Variants in FAM117B observed in about 807,000 individuals in gnomAD.
FAM117B encodes family with sequence similarity 117 member B, also known as protein FAM117B.
Under a neutral mutation model 52.8 loss-of-function variants are expected in FAM117B, and 22 were observed. The ratio of observed to expected loss-of-function variants is 0.42; its 90% CI spans 0.30 to 0.59. The LOEUF (loss-of-function observed/expected upper bound fraction) is 0.59. Ranked by LOEUF, FAM117B falls within the 20% of genes least tolerant of loss-of-function variation. FAM117B has a pLI of 0.22. For missense variants in FAM117B, 678 were observed against 802.6 expected, an observed-to-expected ratio of 0.84 and a Z score of 1.88; for synonymous variants, 309 against 324.1, an observed-to-expected ratio of 0.95 and a Z score of 0.50.
At chr2:202,714,109 T>G (rs890266560) in intron 2 of FAM117B, among the ~76,000 whole-genome samples, 1 of 152,232 alleles carries the variant, frequency 6.6e-6, no homozygotes, top group Non-Finnish European at 1.5e-5. Flanking sequence ...CATTTTTTTT[T>G]ATAGTTTCCA....
intron 2 of FAM117B, among the ~76,000 whole-genome samples, chr2:202,718,092 G>A (rs1473824466): frequency 6.6e-6 from 1 of 152,192 alleles, no homozygotes; most frequent in Non-Finnish European, 1.5e-5. Context: ...AGTACTGCCA[G>A]GCCACTGCCA....
chr2:202,643,924 G>A (rs1025096831), intron 1 of FAM117B, among the ~76,000 whole-genome samples: 1 of 152,008 alleles, frequency 6.6e-6, no homozygotes, highest in Non-Finnish European at 1.5e-5. Context: ...TGGCCAGGCT[G>A]GTCTCGAACT....
chr2:202,654,227 A>T (rs925720509), intron 1 of FAM117B, among the ~76,000 whole-genome samples: 3 of 151,856 alleles, frequency 2.0e-5, no homozygotes, highest in African/African-American at 7.3e-5. Flanking sequence ...AAGAACACTT[A>T]CTGAGATATA....
intron 7 of FAM117B, 37 bp downstream of exon 7, chr2:202,759,390 T>C (rs1691848874): frequency 1.9e-6 from 3 of 1,595,178 alleles, no homozygotes; most frequent in Non-Finnish European, 2.6e-6. Context: ...AAAAAAACTA[T>C]TATGAGCTTT....
At chr2:202,654,764 C>T (rs1690027057) in intron 1 of FAM117B, among the ~76,000 whole-genome samples, 1 of 151,416 alleles carries the variant, frequency 6.6e-6, no homozygotes, top group African/African-American at 2.4e-5. Flanking sequence ...TCTGAACCCT[C>T]AAATAGGCGG....
intron 1 of FAM117B, among the ~76,000 whole-genome samples, chr2:202,678,441 G>A (rs1690410499): frequency 6.6e-6 from 1 of 152,200 alleles, no homozygotes; most frequent in Non-Finnish European, 1.5e-5. Flanking sequence ...CTCTTAATAT[G>A]CAAATGCAGG....
chr2:202,714,996 A>G (rs1250457903), intron 2 of FAM117B, among the ~76,000 whole-genome samples: 5 of 152,268 alleles, frequency 3.3e-5, no homozygotes, highest in East Asian at 1.9e-4. Context: ...CCCCTTTTCT[A>G]TTCCACAAAA....
intron 1 of FAM117B, among the ~76,000 whole-genome samples, chr2:202,664,557 T>A (rs2105762662): frequency 6.6e-6 from 1 of 152,294 alleles, no homozygotes; most frequent in East Asian, 1.9e-4. Flanking sequence ...AAATAAAAAT[T>A]AATTTAACAC....
At chr2:202,684,408 G>T (rs1690506790) in intron 1 of FAM117B, among the ~76,000 whole-genome samples, 1 of 152,196 alleles carries the variant, frequency 6.6e-6, no homozygotes, top group Admixed American at 6.5e-5. Flanking sequence ...TTGTGGACAT[G>T]TGTGCAGTGG....
At chr2:202,754,151 TAAAG>T (rs1691764947) in intron 4 of FAM117B, among the ~76,000 whole-genome samples, 1 of 152,120 alleles carries the variant, frequency 6.6e-6, no homozygotes, top group Admixed American at 6.5e-5. Flanking sequence ...ATAGACCAGA[TAAAG>T]AAAATGTGGT....
At chr2:202,690,494 G>T (rs1052450686) in intron 1 of FAM117B, among the ~76,000 whole-genome samples, 2 of 152,212 alleles carry the variant, frequency 1.3e-5, no homozygotes, top group Non-Finnish European at 2.9e-5. Context: ...CGGAACACAG[G>T]AACAGTCAGG....
chr2:202,708,158 A>G (rs2105781170), intron 2 of FAM117B, among the ~76,000 whole-genome samples: 1 of 152,354 alleles, frequency 6.6e-6, no homozygotes, highest in Non-Finnish European at 1.5e-5. Flanking sequence ...TATGATAATT[A>G]TACAGCAGAT....
At chr2:202,713,696 T>G (rs1428862379) in intron 2 of FAM117B, among the ~76,000 whole-genome samples, 1 of 152,180 alleles carries the variant, frequency 6.6e-6, no homozygotes, top group Non-Finnish European at 1.5e-5. Flanking sequence ...CCATAGATTT[T>G]GGTATGTTGT....
chr2:202,720,345 A>G (rs1440578665), intron 2 of FAM117B, among the ~76,000 whole-genome samples: 1 of 152,010 alleles, frequency 6.6e-6, no homozygotes. Flanking sequence ...AAAAATCAGA[A>G]TACTACAGCT....
At chr2:202,662,125 T>TG (rs1026218991) in intron 1 of FAM117B, among the ~76,000 whole-genome samples, 1 of 151,600 alleles carries the variant, frequency 6.6e-6, no homozygotes, top group Non-Finnish European at 1.5e-5. Flanking sequence ...GGTAGGTGTG[T>TG]GTGTGTGTGT....
intron 1 of FAM117B, among the ~76,000 whole-genome samples, chr2:202,681,808 C>T (rs898410205): frequency 6.6e-5 from 10 of 152,196 alleles, no homozygotes; most frequent in South Asian, 2.1e-4. Context: ...GAGTCCCTGG[C>T]GAGGGCCCCG....
chr2:202,751,865 G>A (rs552700117), intron 4 of FAM117B, among the ~76,000 whole-genome samples: 1 of 149,708 alleles, frequency 6.7e-6, no homozygotes, highest in South Asian at 2.1e-4. Context: ...AATATAAGTT[G>A]AATTTTTAAA....
intron 2 of FAM117B, among the ~76,000 whole-genome samples, chr2:202,715,835 C>T (rs1360718489): frequency 6.6e-6 from 1 of 152,248 alleles, no homozygotes; most frequent in Non-Finnish European, 1.5e-5. Context: ...ATCCCGGCAC[C>T]TCGGGAGGCC....
At chr2:202,648,907 G>T (rs367771384) in intron 1 of FAM117B, among the ~76,000 whole-genome samples, 2 of 151,680 alleles carry the variant, frequency 1.3e-5, no homozygotes, top group Admixed American at 6.6e-5. Flanking sequence ...GACTACAGGC[G>T]CACACCTGGC....
Sources: gnomAD v4.1 joint callset for allele counts (sites outside exome capture counted in the v4.1 genomes callset) on GRCh38, gnomAD v4.1.1 for gene constraint, MANE v1.5 for transcripts, NCBI Gene and HGNC (gene_info 2026-07-23, HGNC 2026-07-21) for gene names.